The following COG2 variants were observed in gnomAD, a reference collection of about 807,000 sequenced individuals.
The protein encoded by COG2 is conserved oligomeric Golgi complex subunit 2.
COG2 carries 52 observed loss-of-function variants against 90.6 expected under a neutral mutation model. The ratio of observed to expected loss-of-function variants is 0.57; its 90% CI spans 0.46 to 0.72. COG2 has a LOEUF of 0.72. COG2 is among the 30% of genes least tolerant of loss of function. The pLI, the probability that COG2 is intolerant of heterozygous loss-of-function variation, is 0.00. For missense variants in COG2, 829 were observed against 891.2 expected (o/e 0.93, Z 0.89); for synonymous variants, 337 against 320.4 (o/e 1.05, Z -0.55).
intron 7 of COG2, chr1:230,669,854 A>AT (rs1662406426): frequency 8.6e-6 from 2 of 231,878 alleles, no homozygotes; most frequent in Non-Finnish European, 1.7e-5. Flanking sequence ...TGTTAAAAGA[A>AT]TGTTTTCAAA....
intron 1 of COG2, chr1:230,642,970 C>T (rs1653194285): frequency 2.6e-6 from 1 of 381,786 alleles, no homozygotes; most frequent in African/African-American, 2.1e-5. Flanking sequence ...TGTTACCATG[C>T]AGTGCAGTCA....
chr1:230,676,924 C>T (rs981255022), intron 9 of COG2, among the ~76,000 whole-genome samples: 3 of 152,052 alleles, frequency 2.0e-5, no homozygotes, highest in African/African-American at 7.2e-5. Flanking sequence ...CTTTTAAGAT[C>T]TTCTGTGTGA....
In COG2 at chr1:230,679,062, C is replaced by T. The variant is rs374544261; in HGVS notation, c.1166+10C>T. On this transcript the variant is annotated intron_variant, in intron 10 of 17. Coordinates refer to ENST00000366669, the MANE Select transcript of COG2 (RefSeq NM_007357.3). ...TTTATTTTCAAATAAGGTTGGTCAT[C>T]TATTCACCGCCCCCGCCCCGCACCC... 1.9e-6 allele frequency: 3 copies of T among 1,610,008 alleles called. No individual in the cohort carries two copies. The highest frequency in any genetic ancestry group is 2.5e-6 in the Non-Finnish European group (3 of 1,176,884).
Position 230,693,797 on chromosome 1 carries a change from T to C in COG2, c.*404T>C, listed in dbSNP as rs1663102166. On this transcript the variant is annotated 3_prime_UTR_variant, in exon 18 of 18. Coordinates refer to ENST00000366669, the MANE Select transcript of COG2 (RefSeq NM_007357.3). ...TGACGACTGTAATGGAATGATGTCT[T>C]GTATAGAAATGCCCTTCTCTGAAAT... 6.5e-6 allele frequency: 1 copy of C among 153,276 alleles called. No homozygotes were observed. The highest frequency in any genetic ancestry group is 6.5e-5 in the Admixed American group (1 of 15,308). The allele number at this position is 153,276 out of a possible 1,614,324, so 9.5% of individuals were successfully genotyped here.
At chr1:230,687,212 C>A in intron 13 of COG2, 80 bp downstream of exon 13, 1 of 1,271,938 alleles carries the variant, frequency 7.9e-7, no homozygotes, top group Non-Finnish European at 1.1e-6. Flanking sequence ...AGGCAAACAC[C>A]ACTGGGCCTT....
intron 9 of COG2, among the ~76,000 whole-genome samples, chr1:230,676,779 G>C (rs1369637421): frequency 6.6e-6 from 1 of 152,066 alleles, no homozygotes; most frequent in African/African-American, 2.4e-5. Flanking sequence ...TATTGCTTCT[G>C]TTTGTAAGGT....
In COG2 at chr1:230,663,220, A is replaced by T. The variant is rs1416602976; in HGVS notation, c.380A>T (p.Lys127Met). Residue 127 changes from lysine to methionine, a missense_variant and splice_region_variant, in exon 4 of 18, where the codon AAG becomes ATG. Physicochemically the swap from Lys to Met is moderately conservative, Grantham distance 95. Transcript: ENST00000366669. Reference sequence around the variant, plus strand: ...AAACAAGAGGACATTAGGAAAAAAAAGGTATACTCAAATATTACAATATTA... The same window carrying T: ...AAACAAGAGGACATTAGGAAAAAAATGGTATACTCAAATATTACAATATTA... ...MSKQEDIRKK[K>M]MCVLRLIQVI... 2 of 1,608,748 alleles carry T rather than the reference A, an allele frequency of 1.2e-6. No individual in the cohort carries two copies. Among genetic ancestry groups the T allele is most frequent in the Admixed American group, 3.4e-5 (2 of 59,482 alleles).
chr1:230,690,748 CT>C (rs1462534577), intron 16 of COG2, among the ~76,000 whole-genome samples: 1 of 152,018 alleles, frequency 6.6e-6, no homozygotes, highest in Non-Finnish European at 1.5e-5. Context: ...ATTTTATTTA[CT>C]TAAGATTTAA....
rs114998758 is a variant in COG2, at chr1:230,677,465, G to T, written c.1027-1448G>T. Among the ~76,000 whole-genome samples the T allele has an allele frequency of 2.7e-3, 407 of 152,276 alleles. 11 individuals carry two copies. The Middle Eastern group carries it at 0.054, about 20-fold the overall frequency. ...AACTTACCTTATCTGTTGGCTGATT[G>T]TCCCATGTTACAGTGCATTGAATAA... On this transcript the variant is annotated intron_variant, in intron 9 of 17. Coordinates refer to ENST00000366669, the MANE Select transcript of COG2 (RefSeq NM_007357.3).
At chr1:230,672,113 C>T (rs1662461734) in intron 8 of COG2, among the ~76,000 whole-genome samples, 1 of 152,164 alleles carries the variant, frequency 6.6e-6, no homozygotes, top group South Asian at 2.1e-4. Flanking sequence ...TTGCCATTGT[C>T]CCAGTCCAGG....
At chr1:230,673,065 A>G (rs938785475) in intron 8 of COG2, among the ~76,000 whole-genome samples, 2 of 152,156 alleles carry the variant, frequency 1.3e-5, no homozygotes, top group Non-Finnish European at 2.9e-5. Context: ...TTTAGTAATC[A>G]TAAGGATTTA....
In COG2 at chr1:230,683,790, C is replaced by CT. The variant is rs201331253; in HGVS notation, c.1228+163dup. ...CCTTAAAAATCACTTAGTTTGACTTCTTTTTTTTGCTTTTTTTTTGAGATG... is the reference window on the plus strand; with the variant it reads ...CCTTAAAAATCACTTAGTTTGACTTCTTTTTTTTTGCTTTTTTTTTGAGATG... On this transcript the variant is annotated intron_variant, in intron 11 of 17. Transcript: ENST00000366669. Among the ~76,000 whole-genome samples the CT allele has an allele frequency of 7.7e-3, 1,146 of 148,894 alleles. 9 individuals are homozygous for CT. Among genetic ancestry groups the CT allele is most frequent in the African/African-American group, 0.024 (978 of 40,464 alleles).
In COG2 at chr1:230,671,526, A is replaced by G; in HGVS notation, c.785A>G (p.Glu262Gly). 6.2e-7 allele frequency: 1 copy of G among 1,612,434 alleles called. No homozygotes were observed. The highest frequency in any genetic ancestry group is 8.5e-7 in the Non-Finnish European group (1 of 1,179,056). Reference sequence around the variant, plus strand: ...TTTTTCTTTTAATAGGTGATTATAGAGCAGTTTGTTGAATCTCATCCCAAT... The same window carrying G: ...TTTTTCTTTTAATAGGTGATTATAGGGCAGTTTGTTGAATCTCATCCCAAT... ...VKPYIDEVII[E>G]QFVESHPNGL... is the part of the protein sequence containing the mutation. The change falls in exon 8 of 18, where the codon GAG becomes GGG. Residue 262 changes from glutamate (E) to glycine (G), a missense_variant. Coordinates refer to ENST00000366669, the MANE Select transcript of COG2 (RefSeq NM_007357.3).
chr1:230,652,401 T>TA (rs1441710175), intron 1 of COG2, among the ~76,000 whole-genome samples: 1 of 152,234 alleles, frequency 6.6e-6, no homozygotes, highest in East Asian at 1.9e-4. Context: ...CTCTTTTTAT[T>TA]GCTGAGTAAT....
At chr1:230,655,796 G>A (rs1162577025) in intron 1 of COG2, among the ~76,000 whole-genome samples, 1 of 152,152 alleles carries the variant, frequency 6.6e-6, no homozygotes, top group Non-Finnish European at 1.5e-5. Context: ...GGTCTATTCA[G>A]GGATTCAACT....
At chr1:230,687,888 T>C (rs575228739) in intron 13 of COG2, 183 bp from the exon 14 acceptor site, 5 of 547,666 alleles carry the variant, frequency 9.1e-6, no homozygotes, top group South Asian at 7.9e-5. Flanking sequence ...TCTCATGTTG[T>C]TGAAATCTTT....
intron 6 of COG2, 104 bp from the exon 7 acceptor site, chr1:230,669,252 A>G (rs1476333517): frequency 1.0e-6 from 1 of 985,326 alleles, no homozygotes; most frequent in Non-Finnish European, 1.5e-6. Flanking sequence ...GATTTTATAT[A>G]TGTCATTATC....
At chr1:230,660,959 C>A in intron 3 of COG2, 136 bp downstream of exon 3, 1 of 467,622 alleles carries the variant, frequency 2.1e-6, no homozygotes. Context: ...TAATACTCAT[C>A]CTCAGAAAAG....
At chr1:230,671,061 ATTC>A (rs554582560) in intron 7 of COG2, 2 of 152,068 alleles carry the variant, frequency 1.3e-5, no homozygotes, top group Non-Finnish European at 2.9e-5. Flanking sequence ...TTGTCATATC[ATTC>A]TTGTCTCCCA....
Sources: gnomAD v4.1 joint callset for allele counts (sites outside exome capture counted in the v4.1 genomes callset) on GRCh38, gnomAD v4.1.1 for gene constraint, MANE v1.5 for transcripts, NCBI Gene and HGNC (gene_info 2026-07-23, HGNC 2026-07-21) for gene names.